The following ASB13 variants were observed in gnomAD, a reference collection of about 807,000 sequenced individuals.
ASB13 encodes the protein ankyrin repeat and SOCS box containing 13.
A neutral mutation model predicts 28.8 loss-of-function variants in ASB13; 33 were observed. The observed-to-expected ratio is 1.15, with a 90% CI of 0.87 to 1.53. The LOEUF is 1.53. Ranked by LOEUF, ASB13 falls within the 40% of genes most tolerant of loss-of-function variation. The pLI is 0.00. For missense variants in ASB13, 414 were observed against 390.1 expected, an observed-to-expected ratio of 1.06 and a Z score of -0.52; for synonymous variants, 182 against 172.9, an observed-to-expected ratio of 1.05 and a Z score of -0.41.
rs78035542 is a variant in ASB13, at chr10:5,645,230, A to T, written c.518-3269T>A. On this transcript the variant is annotated intron_variant, in intron 4 of 5. Coordinates refer to ENST00000357700, the MANE Select transcript of ASB13 (RefSeq NM_024701.4). The surrounding 1 kb of genome is among the most constrained non-coding windows in gnomAD (Gnocchi z 5.4). ...AGCTCAATAGGTGCTTGTTACCACA[A>T]GAGAAATTGAAAAAAAAAATTAAAT... 9.3e-3 allele frequency among the ~76,000 whole-genome samples: 1,404 copies of T among 151,526 alleles called. 25 individuals are homozygous for T. Among genetic ancestry groups the T allele is most frequent in the African/African-American group, 0.032 (1,331 of 41,404 alleles).
chr10:5,642,597 AG>A lies in ASB13; in HGVS notation c.518-637del. 2.0e-6 allele frequency: 2 copies of A among 1,015,774 alleles called. No individual in the cohort carries two copies. The highest frequency in any genetic ancestry group is 2.6e-6 in the Non-Finnish European group (2 of 768,866). The allele number at this position is 1,015,774 out of a possible 1,614,324, so 62.9% of individuals were successfully genotyped here. On this transcript the variant is annotated intron_variant, in intron 4 of 5. Coordinates refer to ENST00000357700, the MANE Select transcript of ASB13 (RefSeq NM_024701.4). This position sits in a 1 kb window ranked among gnomAD's most constrained non-coding sequence, Gnocchi z 4.1. ...AAAAAAAAATTTTTTTTTAAAAAAA[AG>A]AGCAGACATTCAGAAAGATGCAAGG...
At chr10:5,653,602 G>C (rs1835023616) in intron 1 of ASB13, among the ~76,000 whole-genome samples, 1 of 152,192 alleles carries the variant, frequency 6.6e-6, no homozygotes, top group Non-Finnish European at 1.5e-5. Context: ...TATATACAAG[G>C]TCATGTCATC....
In ASB13 at chr10:5,641,896, C is replaced by T. The variant is rs753444029; in HGVS notation, c.583G>A (p.Val195Ile). The T allele has an allele frequency of 4.3e-6, 7 of 1,614,004 alleles. No individual in the cohort carries two copies. The Admixed American group carries it at 8.3e-5, about 19-fold the overall frequency. Residue 195 changes from valine (V) to isoleucine (I), a missense_variant, in exon 5 of 6, where the codon GTT becomes ATT. By Grantham distance (29) the Val-to-Ile change is conservative (BLOSUM62 3). Coordinates refer to ENST00000357700, the MANE Select transcript of ASB13 (RefSeq NM_024701.4). The surrounding 1 kb of genome is among the most constrained non-coding windows in gnomAD (Gnocchi z 8.4). ...TCGATAAGCATCTCGATGAGGTCAA[C>T]ATTCTTGACCTTGGCCGCGTGGTGA... Reference protein sequence around the residue: ...ALHHAAKVKNVDLIEMLIEFG... With the variant: ...ALHHAAKVKNIDLIEMLIEFG...
At chr10:5,662,389 T>C (rs1241980232) in intron 1 of ASB13, among the ~76,000 whole-genome samples, 1 of 151,342 alleles carries the variant, frequency 6.6e-6, no homozygotes, top group Non-Finnish European at 1.5e-5. Context: ...TGTGGTGGCA[T>C]GCACCTGTAA....
intron 1 of ASB13, among the ~76,000 whole-genome samples, 175 bp from the exon 2 acceptor site, chr10:5,653,225 C>T (rs1835017860): frequency 6.6e-6 from 1 of 152,224 alleles, no homozygotes; most frequent in South Asian, 2.1e-4. Context: ...AGCTGGAGTC[C>T]AAGCTCCTGG....
rs1468668141 is a variant in ASB13, at chr10:5,650,306, A to G, written c.382+907T>C. On this transcript the variant is annotated intron_variant, in intron 3 of 5. Coordinates refer to ENST00000357700, the MANE Select transcript of ASB13 (RefSeq NM_024701.4). This position sits in a 1 kb window ranked among gnomAD's most constrained non-coding sequence, Gnocchi z 6.0. Reference sequence around the variant, plus strand: ...TCCGTCTATCTGCACATGGAGGACCACTAAATGAACCTTCCCCAAATTCTG... The same window carrying G: ...TCCGTCTATCTGCACATGGAGGACCGCTAAATGAACCTTCCCCAAATTCTG... Among the ~76,000 whole-genome samples, 2 of 152,174 alleles carry G rather than the reference A, an allele frequency of 1.3e-5. No individual in the cohort carries two copies. Among genetic ancestry groups the G allele is most frequent in the East Asian group, 1.9e-4 (1 of 5,196 alleles).
Position 5,652,947 on chromosome 10 carries a change from G to A in ASB13, c.147C>T (p.Thr49=), listed in dbSNP as rs757822534. Residue 49 remains threonine (T), a synonymous_variant, in exon 2 of 6, where the codon ACC becomes ACT. Transcript: ENST00000357700. This position sits in a 1 kb window ranked among gnomAD's most constrained non-coding sequence, Gnocchi z 5.0. ...IESGACVNQV[T]VDSITPLHAA... is the part of the protein sequence containing the mutation. ...CGTGCAGGGGCGTGATGGAGTCCAC[G>A]GTGACCTGGTTCACGCAGGCGCCGC... 2.8e-5 allele frequency: 44 copies of A among 1,579,948 alleles called. No homozygotes were observed. The highest frequency in any genetic ancestry group is 3.7e-5 in the Admixed American group (2 of 54,558).
intron 1 of ASB13, among the ~76,000 whole-genome samples, chr10:5,653,567 C>T (rs1835023021): frequency 6.6e-6 from 1 of 152,242 alleles, no homozygotes; most frequent in African/African-American, 2.4e-5. Flanking sequence ...AATTATTCCA[C>T]TTTAGTGGCT....
Position 5,639,016 on chromosome 10 carries a change from T to C in ASB13, c.*1687A>G, listed in dbSNP as rs536705874. 1.5e-4 allele frequency: 23 copies of C among 152,582 alleles called. No individual in the cohort carries two copies. The highest frequency in any genetic ancestry group is 2.9e-4 in the Non-Finnish European group (20 of 68,034). The allele number at this position is 152,582 out of a possible 1,614,324, so 9.5% of individuals were successfully genotyped here. ...GGGCAGAACCCAGTGCTTTTTTTAA[T>C]GGTTGTTATTCCATGCAGAAACACT... is the stretch of plus-strand genomic sequence containing the variant. On this transcript the variant is annotated 3_prime_UTR_variant, in exon 6 of 6. Coordinates refer to ENST00000357700, the MANE Select transcript of ASB13 (RefSeq NM_024701.4).
chr10:5,652,567 G>A lies in ASB13; in HGVS notation c.231+296C>T, dbSNP rs1042941048. On this transcript the variant is annotated intron_variant, in intron 2 of 5. Transcript: ENST00000357700. This position sits in a 1 kb window ranked among gnomAD's most constrained non-coding sequence, Gnocchi z 5.0. The stretch of plus-strand genomic sequence containing the variant: ...GGCCCAAGCAGCAGCTCTGCACCCA[G>A]GCCTGGCTGCCCCTGAGAGAGCCTG... Among the ~76,000 whole-genome samples the A allele has an allele frequency of 5.9e-5, 9 of 152,212 alleles. No homozygotes were observed. The highest frequency in any genetic ancestry group is 1.9e-4 in the African/African-American group (8 of 41,446).
Position 5,640,593 on chromosome 10 carries a change from G to T in ASB13, c.*110C>A. On this transcript the variant is annotated 3_prime_UTR_variant, in exon 6 of 6. Coordinates refer to ENST00000357700, the MANE Select transcript of ASB13 (RefSeq NM_024701.4). Reference sequence around the variant, plus strand: ...GGATCGCAGGAAGGGACTCGAAGGAGCGTTGTTCTATCTACAGCAATCACG... The same window carrying T: ...GGATCGCAGGAAGGGACTCGAAGGATCGTTGTTCTATCTACAGCAATCACG... 3.6e-6 allele frequency: 5 copies of T among 1,377,944 alleles called. No individual in the cohort carries two copies. Among genetic ancestry groups the T allele is most frequent in the Non-Finnish European group, 5.1e-6 (5 of 988,262 alleles). The allele number at this position is 1,377,944 out of a possible 1,614,324, so 85.4% of individuals were successfully genotyped here.
intron 1 of ASB13, among the ~76,000 whole-genome samples, chr10:5,654,240 G>T (rs1198255128): frequency 6.7e-6 from 1 of 149,894 alleles, no homozygotes; most frequent in Non-Finnish European, 1.5e-5. Context: ...GGGAGAGTCT[G>T]CGAAGAGGCC....
rs1834846673 is a variant in ASB13 at position 5,644,051 on chromosome 10, T to G, written c.518-2090A>C. Among the ~76,000 whole-genome samples the G allele has an allele frequency of 6.6e-6, 1 of 151,968 alleles. No homozygotes were observed. The highest frequency in any genetic ancestry group is 1.5e-5 in the Non-Finnish European group (1 of 68,000). ...TTGGGTGGAAGGGAAGGAAGGTGAA[T>G]AAGGAAGGAAATGAAATTGTGAATA... On this transcript the variant is annotated intron_variant, in intron 4 of 5. Transcript: ENST00000357700. The surrounding 1 kb of genome is among the most constrained non-coding windows in gnomAD (Gnocchi z 5.1).
At position 5,659,717 on chromosome 10, in the gene ASB13, T is replaced by C. The variant is rs1048868029; in HGVS notation, c.44-6667A>G. On this transcript the variant is annotated intron_variant, in intron 1 of 5. Transcript: ENST00000357700. The surrounding 1 kb of genome is among the most constrained non-coding windows in gnomAD (Gnocchi z 5.8). ...CCACCAGCTGATCAGCATTCTCCCT[T>C]CCCTGGGCCTTCCCTAAGGCCATCC... Among the ~76,000 whole-genome samples, 2 of 151,764 alleles carry C rather than the reference T, an allele frequency of 1.3e-5. No homozygotes were observed. Among genetic ancestry groups the C allele is most frequent in the Non-Finnish European group, 2.9e-5 (2 of 67,934 alleles).
rs80008095 is a variant in ASB13 at position 5,657,211 on chromosome 10, T to C, written c.44-4161A>G. Among the ~76,000 whole-genome samples, 300 of 152,210 alleles carry C rather than the reference T, an allele frequency of 2.0e-3. 4 individuals carry two copies. Among genetic ancestry groups the C allele is most frequent in the African/African-American group, 6.3e-3 (260 of 41,518 alleles). On this transcript the variant is annotated intron_variant, in intron 1 of 5. Coordinates refer to ENST00000357700, the MANE Select transcript of ASB13 (RefSeq NM_024701.4). Reference sequence around the variant, plus strand: ...GAAAAAAAGAAAAAAGAAACTTCCGTGCATCAAAGGGCACAATCAGAGTGA... The same window carrying C: ...GAAAAAAAGAAAAAAGAAACTTCCGCGCATCAAAGGGCACAATCAGAGTGA...
At position 5,641,742 on chromosome 10, in the gene ASB13, A is replaced by G. The variant is rs752475319; in HGVS notation, c.709+28T>C. 9 of 1,542,442 alleles carry G rather than the reference A, an allele frequency of 5.8e-6. No homozygotes were observed. The South Asian group carries it at 1.1e-4, about 18-fold the overall frequency. Reference sequence around the variant, plus strand: ...GGGTCCAGGCTGAAGGCTGGAGGGGATGGGGTGCGCTCGGTGGGGTGTCTC... The same window carrying G: ...GGGTCCAGGCTGAAGGCTGGAGGGGGTGGGGTGCGCTCGGTGGGGTGTCTC... On this transcript the variant is annotated intron_variant, in intron 5 of 5. Transcript: ENST00000357700. This position sits in a 1 kb window ranked among gnomAD's most constrained non-coding sequence, Gnocchi z 8.4.
chr10:5,642,337 G>T lies in ASB13; in HGVS notation c.518-376C>A. The T allele has an allele frequency of 2.6e-6, 1 of 383,970 alleles. No homozygotes were observed. The highest frequency in any genetic ancestry group is 4.1e-6 in the Non-Finnish European group (1 of 242,404). 23.8% of individuals were successfully genotyped at this position (383,970 alleles called of 1,614,324 possible). A position where few individuals can be genotyped will look rare whatever the true frequency, so the allele number is the denominator to read the frequency against. ...CAGAGCCACTCAAGCACTCCCGCCTGGCCTCCAGCACAGACACACACTGCT... is the reference window on the plus strand; with the variant it reads ...CAGAGCCACTCAAGCACTCCCGCCTTGCCTCCAGCACAGACACACACTGCT... On this transcript the variant is annotated intron_variant, in intron 4 of 5. Coordinates refer to ENST00000357700, the MANE Select transcript of ASB13 (RefSeq NM_024701.4). This position sits in a 1 kb window ranked among gnomAD's most constrained non-coding sequence, Gnocchi z 4.1.
At chr10:5,662,635 A>AGAGAAGAGAAGAGAAGAGAAGAGAT (rs1564223044) in intron 1 of ASB13, among the ~76,000 whole-genome samples, 4 of 142,986 alleles carry the variant, frequency 2.8e-5, no homozygotes, top group East Asian at 4.4e-4. Context: ...AGAGAAGAGA[A>AGAGAAGAGAAGAGAAGAGAAGAGAT]GAGATGAGAT....
At chr10:5,654,595 G>C (rs1835043182) in intron 1 of ASB13, among the ~76,000 whole-genome samples, 1 of 152,202 alleles carries the variant, frequency 6.6e-6, no homozygotes, top group South Asian at 2.1e-4. Context: ...CTCAGACACG[G>C]AGGAGTCTTC....
Sources: allele counts gnomAD v4.1 joint callset (sites outside exome capture counted in the v4.1 genomes callset), GRCh38; gene constraint gnomAD v4.1.1; non-coding constraint Gnocchi (gnomAD v3.1); transcripts MANE v1.5; gene names NCBI Gene and HGNC (gene_info 2026-07-23, HGNC 2026-07-21).